Variants in MAPK10 observed in about 807,000 individuals in gnomAD.
The protein encoded by MAPK10 is JNK3 alpha protein kinase.
In MAPK10, 25 loss-of-function variants were observed where a neutral mutation model predicts 59.3. The ratio of observed to expected loss-of-function variants is 0.42; its 90% CI spans 0.31 to 0.59. MAPK10 has a LOEUF of 0.59. Among genes scored for constraint, MAPK10 ranks in the 20% least tolerant of loss-of-function variants. The pLI is 0.15. For synonymous variants in MAPK10, 190 were observed against 200.5 expected (o/e 0.95, Z 0.44); for missense variants, 351 against 568.9 (o/e 0.62, Z 3.90).
intron 11 of MAPK10, among the ~76,000 whole-genome samples, chr4:86,059,904 C>T (rs1033670338): frequency 6.6e-6 from 1 of 152,158 alleles, no homozygotes; most frequent in Non-Finnish European, 1.5e-5. Context: ...GCCAGCTGTC[C>T]TCTGGGTTCT....
intron 2 of MAPK10, among the ~76,000 whole-genome samples, chr4:86,271,478 C>T (rs1430541494): frequency 6.6e-6 from 1 of 151,830 alleles, no homozygotes; most frequent in Non-Finnish European, 1.5e-5. Context: ...TCAGAGGGTA[C>T]ATATGGAGGT....
chr4:86,436,747 T>G (rs562006015), intron 1 of MAPK10, among the ~76,000 whole-genome samples: 3 of 152,266 alleles, frequency 2.0e-5, no homozygotes, highest in African/African-American at 7.2e-5. Flanking sequence ...TCAAGATATA[T>G]GAAGATAGAA....
chr4:86,170,098 G>A (rs1016121481), intron 3 of MAPK10, among the ~76,000 whole-genome samples: 28 of 152,080 alleles, frequency 1.8e-4, no homozygotes, highest in African/African-American at 6.0e-4. Flanking sequence ...ACCAGCCGCT[G>A]CAAAATCATG....
At chr4:86,567,371 C>A (rs1761131940) in intron 1 of MAPK10, among the ~76,000 whole-genome samples, 2 of 152,094 alleles carry the variant, frequency 1.3e-5, no homozygotes, top group South Asian at 4.1e-4. Flanking sequence ...CAGGCATGCA[C>A]CACCACGCTT....
intron 1 of MAPK10, among the ~76,000 whole-genome samples, chr4:86,502,490 T>C (rs1755402131): frequency 6.6e-6 from 1 of 152,054 alleles, no homozygotes; most frequent in African/African-American, 2.4e-5. Flanking sequence ...GACCATTCCT[T>C]TGAAACTCAC....
intron 2 of MAPK10, among the ~76,000 whole-genome samples, chr4:86,207,802 T>C (rs1242900548): frequency 4.6e-5 from 7 of 152,136 alleles, no homozygotes; most frequent in African/African-American, 1.7e-4. Context: ...TTATTCTCTT[T>C]GAAGCAATTG....
rs147840297 is a variant in MAPK10 at position 86,484,065 on chromosome 4, C to T, written c.-263+109845G>A. ...AGCAGTTGTATTATTAAAGCTCAAG[C>T]TGGAAGATGAGGGGAGGAAGCAAGT... On this transcript the variant is annotated intron_variant, in intron 1 of 4. Coordinates refer to the MAPK10 transcript ENST00000502302. Among the ~76,000 whole-genome samples, 512 of 152,144 alleles carry T rather than the reference C, an allele frequency of 3.4e-3. 1 individual carries two copies. The highest frequency in any genetic ancestry group is 0.012 in the African/African-American group (495 of 41,520).
intron 4 of MAPK10, among the ~76,000 whole-genome samples, chr4:86,154,081 A>G (rs370104638): frequency 2.7e-4 from 41 of 152,268 alleles, no homozygotes; most frequent in African/African-American, 8.4e-4. Flanking sequence ...AATGTGCCAC[A>G]AGAGCTTGAG....
In MAPK10 at chr4:86,587,170, T is replaced by C. The variant is rs1470659444; in HGVS notation, c.-263+6740A>G. On this transcript the variant is annotated intron_variant, in intron 1 of 4. Transcript: ENST00000502302. ...ATTCTTATTTCCTTCACTTTACAAA[T>C]GAGGAAGATACTCAAAGAAGTTAAG... Among the ~76,000 whole-genome samples the C allele has an allele frequency of 3.9e-5, 6 of 152,214 alleles. No homozygotes were observed. In the East Asian group the frequency reaches 1.2e-3, roughly 29 times the overall value.
At chr4:86,051,018 C>T (rs969497139) in intron 11 of MAPK10, among the ~76,000 whole-genome samples, 1 of 152,076 alleles carries the variant, frequency 6.6e-6, no homozygotes, top group Non-Finnish European at 1.5e-5. Context: ...TCAGATTCTT[C>T]TTGGAATTAG....
At chr4:86,144,258 A>T (rs750011767) in intron 4 of MAPK10, among the ~76,000 whole-genome samples, 1 of 152,196 alleles carries the variant, frequency 6.6e-6, no homozygotes, top group Non-Finnish European at 1.5e-5. Flanking sequence ...CAGTTATTTT[A>T]AAGTATTTTT....
At chr4:86,392,739 G>T (rs1232258718) in intron 1 of MAPK10, among the ~76,000 whole-genome samples, 1 of 152,188 alleles carries the variant, frequency 6.6e-6, no homozygotes, top group African/African-American at 2.4e-5. Flanking sequence ...AAAAAATGCT[G>T]CAAGCAGCAG....
At chr4:86,315,408 G>T (rs1175013424) in intron 2 of MAPK10, among the ~76,000 whole-genome samples, 1 of 151,974 alleles carries the variant, frequency 6.6e-6, no homozygotes, top group Non-Finnish European at 1.5e-5. Context: ...AAGAGTTATT[G>T]GATCATTTGT....
intron 2 of MAPK10, among the ~76,000 whole-genome samples, chr4:86,266,798 C>G (rs2094255795): frequency 1.3e-5 from 2 of 151,940 alleles, no homozygotes; most frequent in Admixed American, 6.6e-5. Flanking sequence ...ATATAACCAT[C>G]TAAACAACCA....
chr4:86,304,866 T>A (rs558069154), intron 2 of MAPK10, among the ~76,000 whole-genome samples: 1 of 152,198 alleles, frequency 6.6e-6, no homozygotes, highest in African/African-American at 2.4e-5. Context: ...AGTTACACAC[T>A]TAACTCAGGA....
intron 1 of MAPK10, among the ~76,000 whole-genome samples, chr4:86,546,802 A>G (rs141859067): frequency 0.012 from 1,763 of 152,206 alleles, 22 homozygotes; most frequent in Non-Finnish European, 0.018. Context: ...ATGCCTGTTA[A>G]TCCCAGCACT....
intron 2 of MAPK10, among the ~76,000 whole-genome samples, chr4:86,207,403 A>T (rs919950088): frequency 2.0e-5 from 3 of 151,810 alleles, no homozygotes; most frequent in Non-Finnish European, 2.9e-5. Flanking sequence ...TCCGTTGATC[A>T]ATATCTCTGT....
At chr4:86,244,267 A>G (rs1358706291) in intron 2 of MAPK10, among the ~76,000 whole-genome samples, 4 of 152,184 alleles carry the variant, frequency 2.6e-5, no homozygotes, top group Non-Finnish European at 5.9e-5. Context: ...CTCAAAAAAA[A>G]TCAACCATTT....
intron 2 of MAPK10, among the ~76,000 whole-genome samples, chr4:86,295,093 G>T (rs2095324231): frequency 6.6e-6 from 1 of 152,162 alleles, no homozygotes; most frequent in African/African-American, 2.4e-5. Context: ...CATAAAATCA[G>T]ATTTGAAAAT....
Sources: gnomAD v4.1 joint callset for allele counts (sites outside exome capture counted in the v4.1 genomes callset) on GRCh38, gnomAD v4.1.1 for gene constraint, MANE v1.5 for transcripts, NCBI Gene and HGNC (gene_info 2026-07-23, HGNC 2026-07-21) for gene names.